TENM4: variants seen among roughly 807,000 people sequenced by gnomAD.
The protein encoded by TENM4 is teneurin transmembrane protein 4.
TENM4 carries 82 observed loss-of-function variants against 243.3 expected under a neutral mutation model. The observed-to-expected ratio is 0.34, with a 90% CI of 0.28 to 0.40. The LOEUF (loss-of-function observed/expected upper bound fraction) is 0.40, where lower values mean the gene tolerates loss of function less well. TENM4 is among the 10% of genes least tolerant of loss of function. The pLI, the probability that TENM4 is intolerant of heterozygous loss-of-function variation, is 1.00. For missense variants in TENM4, 3,138 were observed against 3,673.3 expected (o/e 0.85, Z 3.77); for synonymous variants, 1,412 against 1,456.3 (o/e 0.97, Z 0.69).
intron 15 of TENM4, among the ~76,000 whole-genome samples, chr11:78,787,315 C>T (rs1307925340): frequency 3.9e-5 from 6 of 152,196 alleles, no homozygotes; most frequent in Admixed American, 2.6e-4. Context: ...ATTCTCTGGG[C>T]AGAAGCCTGC....
chr11:78,877,880 T>C (rs2136259496), intron 9 of TENM4, among the ~76,000 whole-genome samples: 1 of 152,284 alleles, frequency 6.6e-6, no homozygotes, highest in Non-Finnish European at 1.5e-5. Flanking sequence ...TGAGAATCAT[T>C]TCATCTCCAC....
At chr11:78,767,378 G>T (rs146013774) in intron 18 of TENM4, among the ~76,000 whole-genome samples, 1 of 152,188 alleles carries the variant, frequency 6.6e-6, no homozygotes, top group Non-Finnish European at 1.5e-5. Flanking sequence ...TTACGCTCTC[G>T]TAAGCCTTGT....
At chr11:78,727,055 G>A (rs1052860333) in intron 22 of TENM4, among the ~76,000 whole-genome samples, 3 of 152,172 alleles carry the variant, frequency 2.0e-5, no homozygotes, top group Admixed American at 6.5e-5. Context: ...ATACTATGAC[G>A]CCACTGGAAA....
At chr11:79,282,664 A>C (rs1218458728) in intron 2 of TENM4, among the ~76,000 whole-genome samples, 3 of 152,188 alleles carry the variant, frequency 2.0e-5, no homozygotes, top group Non-Finnish European at 4.4e-5. Flanking sequence ...ATTTTCTAGG[A>C]GGACAGGATG....
At chr11:78,999,641 T>C (rs57393892) in intron 6 of TENM4, among the ~76,000 whole-genome samples, 14,995 of 152,132 alleles carry the variant, frequency 0.099, 2,036 homozygotes, top group African/African-American at 0.31. Context: ...GTAACTGAAG[T>C]GTCCAGTTTT....
rs537410796 is a variant in TENM4 at position 79,180,422 on chromosome 11, C to A, written c.-162-31616G>T. Among the ~76,000 whole-genome samples the A allele has an allele frequency of 2.1e-4, 32 of 151,736 alleles. No individual in the cohort carries two copies. In the South Asian group the frequency reaches 6.5e-3, roughly 31 times the overall value. Reference sequence around the variant, plus strand: ...AGAAGCATCATAGTGCAGTGTTCAACAGCCAAGTAGTCAGGCAGAATTGGA... The same window carrying A: ...AGAAGCATCATAGTGCAGTGTTCAAAAGCCAAGTAGTCAGGCAGAATTGGA... On this transcript the variant is annotated intron_variant, in intron 3 of 33. Coordinates refer to ENST00000278550, the MANE Select transcript of TENM4 (RefSeq NM_001098816.3).
At chr11:79,267,908 CTG>C (rs907013122) in intron 2 of TENM4, among the ~76,000 whole-genome samples, 3 of 152,202 alleles carry the variant, frequency 2.0e-5, no homozygotes, top group African/African-American at 7.2e-5. Flanking sequence ...GAGTTTTTGA[CTG>C]TGCCAAAACA....
At chr11:78,723,184 C>A (rs957767886) in intron 23 of TENM4, among the ~76,000 whole-genome samples, 1 of 152,324 alleles carries the variant, frequency 6.6e-6, no homozygotes, top group Non-Finnish European at 1.5e-5. Context: ...GTAACTTAAC[C>A]GACCTTACCC....
chr11:78,845,344 A>T (rs1244911707), intron 12 of TENM4, among the ~76,000 whole-genome samples: 1 of 152,214 alleles, frequency 6.6e-6, no homozygotes, highest in Non-Finnish European at 1.5e-5. Flanking sequence ...TCTCTAAAGT[A>T]AGTTTGATTC....
chr11:78,815,058 T>C (rs905780729), intron 12 of TENM4, among the ~76,000 whole-genome samples: 1 of 152,180 alleles, frequency 6.6e-6, no homozygotes, highest in Admixed American at 6.5e-5. Flanking sequence ...TTTGCTAAGA[T>C]GAAAAAAATC....
At chr11:79,172,952 A>G (rs1863080342) in intron 3 of TENM4, among the ~76,000 whole-genome samples, 1 of 151,974 alleles carries the variant, frequency 6.6e-6, no homozygotes, top group Non-Finnish European at 1.5e-5. Flanking sequence ...TCGTCTCTCC[A>G]TTTTCATACT....
chr11:78,855,568 A>G (rs1413876491), intron 11 of TENM4, among the ~76,000 whole-genome samples: 1 of 152,220 alleles, frequency 6.6e-6, no homozygotes. Context: ...TGTTACCGGC[A>G]TCTTATAGAT....
intron 2 of TENM4, among the ~76,000 whole-genome samples, chr11:79,292,636 G>A (rs760717164): frequency 7.9e-5 from 12 of 152,216 alleles, no homozygotes; most frequent in African/African-American, 1.2e-4. Context: ...CTGTGGCTAG[G>A]GCACATGCAG....
chr11:79,193,384 G>A (rs1276920075), intron 3 of TENM4, among the ~76,000 whole-genome samples: 1 of 152,152 alleles, frequency 6.6e-6, no homozygotes, highest in African/African-American at 2.4e-5. Flanking sequence ...TACATTTTAG[G>A]GGTTTCATGT....
intron 28 of TENM4, among the ~76,000 whole-genome samples, chr11:78,693,739 C>T (rs1490126393): frequency 1.3e-5 from 2 of 152,144 alleles, no homozygotes; most frequent in African/African-American, 2.4e-5. Context: ...ATAGGCCAGG[C>T]GCAGTGACTC....
At chr11:79,111,407 T>G (rs1448647027) in intron 4 of TENM4, among the ~76,000 whole-genome samples, 1 of 152,080 alleles carries the variant, frequency 6.6e-6, no homozygotes, top group Non-Finnish European at 1.5e-5. Context: ...GAGCTGGGCA[T>G]GATGGCGGGC....
intron 4 of TENM4, among the ~76,000 whole-genome samples, chr11:79,086,073 T>C (rs1860804747): frequency 6.6e-6 from 1 of 152,220 alleles, no homozygotes; most frequent in African/African-American, 2.4e-5. Flanking sequence ...CAAGGAATCA[T>C]ACCTCCCTGT....
chr11:78,812,067 T>C (rs1591041678), intron 14 of TENM4, 55 bp downstream of exon 14: 3 of 1,520,886 alleles, frequency 2.0e-6, no homozygotes, highest in South Asian at 1.3e-5. Flanking sequence ...CTTGGCACTA[T>C]ATGCCAGCCT....
intron 18 of TENM4, among the ~76,000 whole-genome samples, chr11:78,767,372 G>C (rs1341410092): frequency 6.6e-6 from 1 of 152,192 alleles, no homozygotes; most frequent in Non-Finnish European, 1.5e-5. Context: ...AAGTTATTAC[G>C]CTCTCGTAAG....
Sources: allele counts gnomAD v4.1 joint callset (sites outside exome capture counted in the v4.1 genomes callset), GRCh38; gene constraint gnomAD v4.1.1; transcripts MANE v1.5; gene names NCBI Gene and HGNC (gene_info 2026-07-23, HGNC 2026-07-21).